SEPTIN4: variants seen among roughly 807,000 people sequenced by gnomAD.
SEPTIN4 encodes septin 4.
A neutral mutation model predicts 107.1 loss-of-function variants in SEPTIN4; 52 were observed. That is an observed-to-expected ratio of 0.49 (90% CI 0.39 to 0.61). SEPTIN4 has a LOEUF of 0.61. SEPTIN4 is among the 20% of genes least tolerant of loss of function. The probability of loss-of-function intolerance (pLI) is 0.00; values close to 1 mark genes in which losing one functional copy is unlikely to be tolerated. For synonymous variants in SEPTIN4, 417 were observed against 467.0 expected, an observed-to-expected ratio of 0.89 and a Z score of 1.38; for missense variants, 1,048 against 1,243.5, an observed-to-expected ratio of 0.84 and a Z score of 2.36.
rs1235835800 is a variant in SEPTIN4, at chr17:58,543,544, C to T, written c.643G>A (p.Glu215Lys). Residue 215 changes from glutamate to lysine, a missense_variant, in exon 1 of 14, where the codon GAG becomes AAG. Coordinates refer to ENST00000672673, the MANE Select transcript of SEPTIN4 (RefSeq NM_001368771.2). ...GAGGGACTCCTTGGAGATCTGATCTCACTAGTAGTCGTAATTCTTTGGATG... is the reference window on the plus strand; with the variant it reads ...GAGGGACTCCTTGGAGATCTGATCTTACTAGTAGTCGTAATTCTTTGGATG... ...EPIQRITTTS[E>K]IRSPRSPSLL... is the part of the protein sequence containing the mutation. 2.5e-6 allele frequency: 4 copies of T among 1,614,204 alleles called. No individual in the cohort carries two copies. Among genetic ancestry groups the T allele is most frequent in the Non-Finnish European group, 3.4e-6 (4 of 1,180,046 alleles).
intron 4 of SEPTIN4, 103 bp downstream of exon 4, chr17:58,526,559 TACACACACACACAAACACAC>T: frequency 6.1e-6 from 8 of 1,312,338 alleles, no homozygotes; most frequent in Non-Finnish European, 6.7e-6. Context: ...AGGTCCCAGA[TACACACACACACAAACACAC>T]ACACACACAC....
Position 58,521,210 on chromosome 17 carries a change from A to G in SEPTIN4, c.2668+44T>C, listed in dbSNP as rs1187113274. 1.2e-6 allele frequency: 2 copies of G among 1,614,106 alleles called. No homozygotes were observed. Among genetic ancestry groups the G allele is most frequent in the Admixed American group, 3.3e-5 (2 of 60,026 alleles). On this transcript the variant is annotated intron_variant, in intron 11 of 13. Transcript: ENST00000672673. The surrounding 1 kb of genome is among the most constrained non-coding windows in gnomAD (Gnocchi z 6.4). ...CCAGAGGCATAGGTAGGGGAGAGCCACTGAGGGCAAGGAGATACCCTGGTC... is the reference window on the plus strand; with the variant it reads ...CCAGAGGCATAGGTAGGGGAGAGCCGCTGAGGGCAAGGAGATACCCTGGTC...
intron 3 of SEPTIN4, among the ~76,000 whole-genome samples, chr17:58,533,437 T>TG (rs969399071): frequency 6.6e-6 from 1 of 151,876 alleles, no homozygotes; most frequent in African/African-American, 2.4e-5. Context: ...GTGGATGCAG[T>TG]GGGGGAAGGA....
In SEPTIN4 at chr17:58,521,311, C is replaced by T. The variant is rs1199501046; in HGVS notation, c.2611G>A (p.Val871Ile). The T allele has an allele frequency of 6.2e-7, 1 of 1,614,232 alleles. No individual in the cohort carries two copies. The highest frequency in any genetic ancestry group is 2.2e-5 in the East Asian group (1 of 44,888). ...CGAACTCGCCGCCCTCTGGCCTCTA[C>T]TACAGTGTTGCTGCCAATTACTGCA... ...PFAVIGSNTVVEARGRRVRGR... is the reference protein window; with the variant it reads ...PFAVIGSNTVIEARGRRVRGR... The change falls in exon 11 of 14, where the codon GTA becomes ATA. Residue 871 changes from valine to isoleucine, a missense_variant. Val to Ile is a conservative substitution (Grantham distance 29). Around this residue, in one of 2 missense-constraint regions of SEPTIN4, gnomAD observed 261 missense variants for 371.7 expected, o/e 0.70. Transcript: ENST00000672673. The surrounding 1 kb of genome is among the most constrained non-coding windows in gnomAD (Gnocchi z 6.4).
chr17:58,521,328 A>G lies in SEPTIN4; in HGVS notation c.2594T>C (p.Ile865Thr), dbSNP rs768021886. 6.2e-7 allele frequency: 1 copy of G among 1,614,138 alleles called. No individual in the cohort carries two copies. The highest frequency in any genetic ancestry group is 1.7e-5 in the Admixed American group (1 of 60,024). Residue 865 changes from isoleucine (I) to threonine (T), a missense_variant, in exon 11 of 14, where the codon ATT becomes ACT. Physicochemically the swap from Ile to Thr is moderately conservative, Grantham distance 89. Coordinates refer to ENST00000672673, the MANE Select transcript of SEPTIN4 (RefSeq NM_001368771.2). This position sits in a 1 kb window ranked among gnomAD's most constrained non-coding sequence, Gnocchi z 6.4. ...GGCCTCTACTACAGTGTTGCTGCCA[A>G]TTACTGCAAATGGGATGCTTTCCTG... ...ALKESIPFAV[I>T]GSNTVVEARG...
intron 1 of SEPTIN4, among the ~76,000 whole-genome samples, chr17:58,542,378 G>C (rs2043904009): frequency 6.6e-6 from 1 of 152,210 alleles, no homozygotes; most frequent in Non-Finnish European, 1.5e-5. Context: ...AAAAAGGTAA[G>C]CAGTGTTGCC....
At chr17:58,542,156 T>C (rs2043896408) in intron 1 of SEPTIN4, among the ~76,000 whole-genome samples, 190 bp from the exon 2 acceptor site, 1 of 152,240 alleles carries the variant, frequency 6.6e-6, no homozygotes, top group South Asian at 2.1e-4. Flanking sequence ...TTCTCTTTTT[T>C]ACACCCTCTC....
intron 4 of SEPTIN4, 83 bp downstream of exon 4, chr17:58,526,599 C>G: frequency 2.7e-6 from 4 of 1,492,574 alleles, no homozygotes; most frequent in Non-Finnish European, 2.7e-6. Flanking sequence ...CACACACACA[C>G]ACACACACAC....
intron 3 of SEPTIN4, chr17:58,532,106 G>A (rs2043526567): frequency 9.4e-7 from 1 of 1,063,746 alleles, no homozygotes; most frequent in Non-Finnish European, 1.1e-6. Context: ...GGCGGCGGGG[G>A]CGGAGCGAGT....
In SEPTIN4 at chr17:58,521,681, A is replaced by AC; in HGVS notation, c.2470-36dup. The AC allele has an allele frequency of 6.2e-7, 1 of 1,614,228 alleles. No individual in the cohort carries two copies. Among genetic ancestry groups the AC allele is most frequent in the African/African-American group, 1.3e-5 (1 of 75,070 alleles). On this transcript the variant is annotated intron_variant, in intron 9 of 13. Transcript: ENST00000672673. The surrounding 1 kb of genome is among the most constrained non-coding windows in gnomAD (Gnocchi z 6.4). ...AGATGAGGGGCCCACAGTTCTGGGG[A>AC]CCACATCCTTTCTAGAAGCCCACCT...
intron 3 of SEPTIN4, among the ~76,000 whole-genome samples, chr17:58,534,804 CTAGGTCTTTCCTGCCCACCCA>C (rs1241256099): frequency 6.6e-6 from 1 of 152,256 alleles, no homozygotes; most frequent in African/African-American, 2.4e-5. Flanking sequence ...GCCCCCTCCA[CTAGGTCTTTCCTGCCCACCCA>C]TAGGTGCAGG....
chr17:58,521,882 C>A lies in SEPTIN4; in HGVS notation c.2352-29G>T. On this transcript the variant is annotated intron_variant, in intron 8 of 13. Coordinates refer to ENST00000672673, the MANE Select transcript of SEPTIN4 (RefSeq NM_001368771.2). This position sits in a 1 kb window ranked among gnomAD's most constrained non-coding sequence, Gnocchi z 6.4. ...GGGAACAGGAACCTGTGACCACCTGCTAGTGGCAGCCCTGCCCCTGGTGCT... is the reference window on the plus strand; with the variant it reads ...GGGAACAGGAACCTGTGACCACCTGATAGTGGCAGCCCTGCCCCTGGTGCT... 1.2e-6 allele frequency: 2 copies of A among 1,614,186 alleles called. No homozygotes were observed. Among genetic ancestry groups the A allele is most frequent in the Non-Finnish European group, 1.7e-6 (2 of 1,180,008 alleles).
intron 3 of SEPTIN4, chr17:58,539,303 A>T (rs1189914560): frequency 1.4e-6 from 1 of 719,750 alleles, no homozygotes; most frequent in Non-Finnish European, 2.2e-6. Context: ...GATGCACAGA[A>T]AAAGGGGATG....
In SEPTIN4 at chr17:58,520,294, C is replaced by T; in HGVS notation, c.*132G>A. 1.3e-6 allele frequency: 1 copy of T among 745,062 alleles called. No individual in the cohort carries two copies. The highest frequency in any genetic ancestry group is 2.3e-6 in the Non-Finnish European group (1 of 441,920). The allele number at this position is 745,062 out of a possible 1,614,324, so 46.2% of individuals were successfully genotyped here. A position where few individuals can be genotyped will look rare whatever the true frequency, so the allele number is the denominator to read the frequency against. On this transcript the variant is annotated 3_prime_UTR_variant, in exon 14 of 14. Coordinates refer to ENST00000672673, the MANE Select transcript of SEPTIN4 (RefSeq NM_001368771.2). ...TTATTAAACTTTATTTCCTCTGAGTCTCTGGGCAGTCAGCAGGGATGTAAG... is the reference window on the plus strand; with the variant it reads ...TTATTAAACTTTATTTCCTCTGAGTTTCTGGGCAGTCAGCAGGGATGTAAG...
In SEPTIN4 at chr17:58,526,257, G is replaced by T; in HGVS notation, c.1968C>A (p.Ser656=). 6.2e-7 allele frequency: 1 copy of T among 1,604,290 alleles called. No homozygotes were observed. The highest frequency in any genetic ancestry group is 1.1e-5 in the South Asian group (1 of 89,720). The stretch of plus-strand genomic sequence containing the variant: ...GGGTAAAGTCAAAGCCTTTCTTCAC[G>T]GACTTTCGGTGGACTTGGTTGGGGA... ...ATLPNQVHRK[S]VKKGFDFTLM... is the part of the protein sequence containing the mutation. Residue 656 remains serine, a synonymous_variant, in exon 5 of 14, where the codon TCC becomes TCA. Transcript: ENST00000672673.
chr17:58,530,758 G>A (rs2043384061), intron 3 of SEPTIN4: 1 of 152,538 alleles, frequency 6.6e-6, no homozygotes, highest in East Asian at 1.9e-4. Context: ...GTGGGGAGAA[G>A]TGGGGGAAAG....
In SEPTIN4 at chr17:58,521,493, T is replaced by A; in HGVS notation, c.2571+52A>T. On this transcript the variant is annotated intron_variant, in intron 10 of 13. Coordinates refer to ENST00000672673, the MANE Select transcript of SEPTIN4 (RefSeq NM_001368771.2). This position sits in a 1 kb window ranked among gnomAD's most constrained non-coding sequence, Gnocchi z 6.4. Reference sequence around the variant, plus strand: ...CCTGAATATAGAATTCTACTCCCTTTTTCTACCCGGAAGAAATAAGATAGG... The same window carrying A: ...CCTGAATATAGAATTCTACTCCCTTATTCTACCCGGAAGAAATAAGATAGG... 6.2e-7 allele frequency: 1 copy of A among 1,602,350 alleles called. No individual in the cohort carries two copies. The highest frequency in any genetic ancestry group is 8.5e-7 in the Non-Finnish European group (1 of 1,169,616).
chr17:58,526,930 ACTTGCTCAGTTCTCCAT>A lies in SEPTIN4; in HGVS notation c.1646_1662del (p.Asp549ValfsTer17). 6.2e-7 allele frequency: 1 copy of A among 1,614,058 alleles called. No homozygotes were observed. The highest frequency in any genetic ancestry group is 8.5e-7 in the Non-Finnish European group (1 of 1,180,000). ...GCATTTCCTGAGAAATCCTTCACGA[ACTTGCTCAGTTCTCCAT>A]CATCCGTGGTGTCCTCCAGGAAACG... is the stretch of plus-strand genomic sequence containing the variant. On this transcript the variant is annotated frameshift_variant, in exon 4 of 14. Transcript: ENST00000672673. LOFTEE classifies it high-confidence loss of function.
chr17:58,536,101 G>A (rs1385936174), intron 3 of SEPTIN4, among the ~76,000 whole-genome samples: 1 of 152,182 alleles, frequency 6.6e-6, no homozygotes, highest in Admixed American at 6.5e-5. Flanking sequence ...AGGGAGACGT[G>A]GCTATAGAAG....
Sources: allele counts gnomAD v4.1 joint callset (sites outside exome capture counted in the v4.1 genomes callset), GRCh38; gene constraint gnomAD v4.1.1; regional missense constraint gnomAD v4.1.1; non-coding constraint Gnocchi (gnomAD v3.1); transcripts MANE v1.5; gene names NCBI Gene and HGNC (gene_info 2026-07-23, HGNC 2026-07-21).